EYA4: variants seen among roughly 807,000 people sequenced by gnomAD.
EYA4 encodes the protein protein phosphatase EYA4.
In EYA4, 31 loss-of-function variants were observed where a neutral mutation model predicts 87.9. That is an observed-to-expected ratio of 0.35 (90% CI 0.27 to 0.48). EYA4 has a LOEUF of 0.48. Among genes scored for constraint, EYA4 ranks in the 20% least tolerant of loss-of-function variants. The probability of loss-of-function intolerance (pLI) is 0.99; values close to 1 mark genes in which losing one functional copy is unlikely to be tolerated. For missense variants in EYA4, 678 were observed against 761.4 expected (o/e 0.89, Z 1.29); for synonymous variants, 263 against 270.6 (o/e 0.97, Z 0.28).
Position 133,481,459 on chromosome 6 carries a change from A to T in EYA4, c.971-4A>T. The stretch of plus-strand genomic sequence containing the variant: ...ATTCTTGACCTAAGTCATGTTATCT[A>T]TAGGAGAGTTCGATACCATGCAGAG... On this transcript the variant is annotated splice_region_variant and splice_polypyrimidine_tract_variant and intron_variant, in intron 11 of 19. Coordinates refer to ENST00000355286, the MANE Select transcript of EYA4 (RefSeq NM_004100.5). 1 of 1,613,534 alleles carries T rather than the reference A, an allele frequency of 6.2e-7. No homozygotes were observed. The highest frequency in any genetic ancestry group is 8.5e-7 in the Non-Finnish European group (1 of 1,179,504).
chr6:133,244,560 A>G (rs1244746252), intron 1 of EYA4, among the ~76,000 whole-genome samples: 5 of 151,636 alleles, frequency 3.3e-5, no homozygotes, highest in African/African-American at 1.2e-4. Context: ...TTGACGGGTG[A>G]CTGGCAGATG....
At chr6:133,510,895 G>C (rs1027021400) in intron 14 of EYA4, among the ~76,000 whole-genome samples, 1 of 152,204 alleles carries the variant, frequency 6.6e-6, no homozygotes, top group Non-Finnish European at 1.5e-5. Context: ...AGAAAGAATT[G>C]TGGAGTGATT....
intron 2 of EYA4, among the ~76,000 whole-genome samples, chr6:133,278,713 T>A (rs899692238): frequency 7.9e-5 from 12 of 152,186 alleles, no homozygotes; most frequent in Non-Finnish European, 1.5e-4. Flanking sequence ...TCATTTTTCC[T>A]CTAGTATATC....
intron 3 of EYA4, among the ~76,000 whole-genome samples, chr6:133,440,719 A>G (rs1792190334): frequency 6.6e-6 from 1 of 152,244 alleles, no homozygotes. Flanking sequence ...TTGTGACAAT[A>G]GTACAATAAT....
chr6:133,432,623 G>A (rs1245584727), intron 3 of EYA4, among the ~76,000 whole-genome samples: 1 of 151,922 alleles, frequency 6.6e-6, no homozygotes, highest in East Asian at 1.9e-4. Flanking sequence ...CTATGGAGTG[G>A]AACTTTAATG....
chr6:133,460,986 C>G, intron 6 of EYA4, 128 bp from the exon 7 acceptor site: 1 of 740,418 alleles, frequency 1.4e-6, no homozygotes, highest in Non-Finnish European at 2.5e-6. Flanking sequence ...GCAGCTGTTT[C>G]CTTTTAGAAA....
intron 17 of EYA4, among the ~76,000 whole-genome samples, chr6:133,515,951 T>A (rs1799562740): frequency 6.6e-6 from 1 of 152,186 alleles, no homozygotes; most frequent in African/African-American, 2.4e-5. Flanking sequence ...TTTTGTTGTT[T>A]GAACTAAACA....
chr6:133,503,295 A>G (rs1464618710), intron 13 of EYA4, among the ~76,000 whole-genome samples: 1 of 152,228 alleles, frequency 6.6e-6, no homozygotes, highest in Non-Finnish European at 1.5e-5. Flanking sequence ...TCCCATCCCC[A>G]TAAATCTGAT....
intron 17 of EYA4, among the ~76,000 whole-genome samples, chr6:133,515,811 G>T (rs77581405): frequency 6.6e-6 from 1 of 152,136 alleles, no homozygotes; most frequent in East Asian, 1.9e-4. Flanking sequence ...GTACAAGGGG[G>T]TGATGGCAAA....
At chr6:133,441,762 G>A (rs1009176615) in intron 3 of EYA4, among the ~76,000 whole-genome samples, 2 of 151,676 alleles carry the variant, frequency 1.3e-5, no homozygotes, top group East Asian at 1.9e-4. Flanking sequence ...GGTGAAGCAG[G>A]TAATTGGAAT....
At chr6:133,492,426 C>T (rs1797266374) in intron 13 of EYA4, among the ~76,000 whole-genome samples, 2 of 151,262 alleles carry the variant, frequency 1.3e-5, no homozygotes, top group South Asian at 4.2e-4. Context: ...AAAAAATCTT[C>T]AAAAAACTGG....
intron 3 of EYA4, among the ~76,000 whole-genome samples, chr6:133,418,026 T>C (rs1223736976): frequency 6.6e-6 from 1 of 152,230 alleles, no homozygotes; most frequent in Non-Finnish European, 1.5e-5. Context: ...CTTATCTGCT[T>C]TTCCAGATTT....
rs1339366656 is a variant in EYA4, at chr6:133,301,433, G to T, written c.33+26620G>T. Among the ~76,000 whole-genome samples the T allele has an allele frequency of 3.9e-5, 6 of 152,262 alleles. No homozygotes were observed. In the East Asian group the frequency reaches 1.2e-3, roughly 29 times the overall value. ...CCAGTATGACTTTTATGATTATCAA[G>T]ATTTTAGTGGATTCCCGGATGCCTT... On this transcript the variant is annotated intron_variant, in intron 2 of 19. Coordinates refer to ENST00000355286, the MANE Select transcript of EYA4 (RefSeq NM_004100.5).
intron 17 of EYA4, 118 bp from the exon 18 acceptor site, chr6:133,522,938 A>G: frequency 1.2e-6 from 1 of 810,062 alleles, no homozygotes; most frequent in Non-Finnish European, 2.1e-6. Flanking sequence ...AGGCAATAGT[A>G]ATGAATTTTG....
chr6:133,513,156 C>A, intron 16 of EYA4, 118 bp downstream of exon 16: 1 of 1,004,072 alleles, frequency 1.0e-6, no homozygotes, highest in Non-Finnish European at 1.5e-6. Flanking sequence ...TCATATTAAA[C>A]CACATTGAGC....
intron 2 of EYA4, among the ~76,000 whole-genome samples, chr6:133,311,855 T>C (rs908568271): frequency 4.0e-5 from 6 of 151,632 alleles, no homozygotes; most frequent in Non-Finnish European, 8.8e-5. Context: ...AATTAATAAA[T>C]AAGAATGAGA....
chr6:133,470,344 G>T, intron 11 of EYA4, among the ~76,000 whole-genome samples: 1 of 75,692 alleles, frequency 1.3e-5, no homozygotes, highest in African/African-American at 6.3e-5. Context: ...TTATTAAATA[G>T]GGAATCCTTT....
intron 1 of EYA4, among the ~76,000 whole-genome samples, chr6:133,261,601 TAA>T (rs759453198): frequency 1.3e-5 from 2 of 152,226 alleles, no homozygotes; most frequent in Non-Finnish European, 2.9e-5. Context: ...AGAGAATTGG[TAA>T]AAGACTGGTG....
intron 2 of EYA4, among the ~76,000 whole-genome samples, chr6:133,330,081 G>C (rs556613485): frequency 3.2e-4 from 49 of 152,196 alleles, no homozygotes; most frequent in African/African-American, 1.1e-3. Context: ...AAGGTCTCAA[G>C]AGAGTTGAAA....
Sources: gnomAD v4.1 joint callset for allele counts (sites outside exome capture counted in the v4.1 genomes callset) on GRCh38, gnomAD v4.1.1 for gene constraint, MANE v1.5 for transcripts, NCBI Gene and HGNC (gene_info 2026-07-23, HGNC 2026-07-21) for gene names.